The following VPS13D variants were observed in gnomAD, a reference collection of about 807,000 sequenced individuals.
VPS13D encodes vacuolar protein sorting 13 homolog D.
Under a neutral mutation model 461.9 loss-of-function variants are expected in VPS13D, and 187 were observed. That is an observed-to-expected ratio of 0.40 (90% confidence interval 0.36 to 0.46). VPS13D has a LOEUF of 0.46. VPS13D is among the 20% of genes least tolerant of loss of function. VPS13D has a pLI of 0.60. For missense variants in VPS13D, 4,711 were observed against 5,364.9 expected, an observed-to-expected ratio of 0.88 and a Z score of 3.81; for synonymous variants, 1,951 against 1,986.3, an observed-to-expected ratio of 0.98 and a Z score of 0.47.
At position 12,386,238 on chromosome 1, in the gene VPS13D, A is replaced by G. The variant is rs1165081673; in HGVS notation, c.11538A>G (p.Pro3846=). Reference sequence around the variant, plus strand: ...GGTTGTCCTTAATTAATAAAGTCCCAGAAGAACTGGTCTTTGCAAGTCTTA... The same window carrying G: ...GGTTGTCCTTAATTAATAAAGTCCCGGAAGAACTGGTCTTTGCAAGTCTTA... The part of the protein sequence containing the change: ...GIGLSLINKV[P]EELVFASLTG... The change falls in exon 60 of 70, where the codon CCA becomes CCG. Residue 3846 remains proline, a synonymous_variant. Coordinates refer to ENST00000620676, the MANE Select transcript of VPS13D (RefSeq NM_015378.4). 1 of 1,613,830 alleles carries G rather than the reference A, an allele frequency of 6.2e-7. No individual in the cohort carries two copies. Among genetic ancestry groups the G allele is most frequent in the Non-Finnish European group, 8.5e-7 (1 of 1,179,884 alleles).
chr1:12,472,167 TAG>T (rs1346442777), intron 67 of VPS13D, among the ~76,000 whole-genome samples: 3 of 152,202 alleles, frequency 2.0e-5, no homozygotes, highest in Admixed American at 1.3e-4. Context: ...CTTTCATGAA[TAG>T]AGACAGTCCC....
At chr1:12,253,919 T>G (rs578252204) in intron 7 of VPS13D, 93 bp downstream of exon 7, 30 of 931,912 alleles carry the variant, frequency 3.2e-5, no homozygotes, top group Non-Finnish European at 4.6e-5. Context: ...CTTGCCTCTC[T>G]GATTCCAGTT....
chr1:12,291,411 T>G (rs1031115078), intron 23 of VPS13D, among the ~76,000 whole-genome samples: 9 of 152,150 alleles, frequency 5.9e-5, no homozygotes, highest in Admixed American at 2.6e-4. Context: ...GATGGATTGC[T>G]TAAAGCCAGG....
intron 65 of VPS13D, among the ~76,000 whole-genome samples, chr1:12,434,992 G>A (rs921358336): frequency 6.6e-6 from 1 of 152,188 alleles, no homozygotes; most frequent in Non-Finnish European, 1.5e-5. Flanking sequence ...GGCTTGCCAT[G>A]CAGTTTATGA....
At chr1:12,353,773 C>T (rs370064526) in intron 46 of VPS13D, among the ~76,000 whole-genome samples, 4 of 152,156 alleles carry the variant, frequency 2.6e-5, no homozygotes, top group South Asian at 2.1e-4. Context: ...GTATAATTGT[C>T]AGAGCTCATC....
chr1:12,478,779 T>C (rs1645671084), intron 67 of VPS13D: 1 of 455,992 alleles, frequency 2.2e-6, no homozygotes, highest in Non-Finnish European at 4.4e-6. Flanking sequence ...TTCTTCAGAG[T>C]AGCTCTCTGT....
intron 63 of VPS13D, among the ~76,000 whole-genome samples, chr1:12,412,548 G>A (rs1490421248): frequency 1.3e-5 from 2 of 152,112 alleles, no homozygotes; most frequent in Non-Finnish European, 2.9e-5. Flanking sequence ...CTGCGGTAGT[G>A]GAACGGATGA....
intron 65 of VPS13D, among the ~76,000 whole-genome samples, chr1:12,441,074 C>T (rs1177558364): frequency 2.6e-5 from 4 of 151,964 alleles, no homozygotes; most frequent in African/African-American, 4.8e-5. Flanking sequence ...TACAGGTATG[C>T]GCCACCATGC....
chr1:12,364,022 C>G (rs1023224675), intron 52 of VPS13D, among the ~76,000 whole-genome samples: 9 of 143,982 alleles, frequency 6.3e-5, no homozygotes, highest in African/African-American at 2.0e-4. Context: ...TTTCTTCTTG[C>G]TTTCATCAAA....
rs1017678947 is a variant in VPS13D, at chr1:12,509,361, G to A, written c.*337G>A. 1.5e-5 allele frequency: 3 copies of A among 205,990 alleles called. No homozygotes were observed. Among genetic ancestry groups the A allele is most frequent in the Non-Finnish European group, 2.9e-5 (3 of 103,108 alleles). 12.8% of individuals were successfully genotyped at this position (205,990 alleles called of 1,614,324 possible). On this transcript the variant is annotated 3_prime_UTR_variant, in exon 70 of 70. Coordinates refer to ENST00000620676, the MANE Select transcript of VPS13D (RefSeq NM_015378.4). Reference sequence around the variant, plus strand: ...AGTGTGTTTGTAAATATATAGGAACGTTTCTGAACAGGGTCTGTGCTATGT... The same window carrying A: ...AGTGTGTTTGTAAATATATAGGAACATTTCTGAACAGGGTCTGTGCTATGT...
intron 67 of VPS13D, among the ~76,000 whole-genome samples, chr1:12,463,058 A>G (rs1056388292): frequency 6.6e-6 from 1 of 152,120 alleles, no homozygotes; most frequent in Admixed American, 6.5e-5. Context: ...TAGGCTGCAG[A>G]AAAAAAGGAA....
intron 6 of VPS13D, among the ~76,000 whole-genome samples, chr1:12,251,276 C>T (rs1305527818): frequency 6.6e-6 from 1 of 152,262 alleles, no homozygotes; most frequent in African/African-American, 2.4e-5. Flanking sequence ...CTGTGTGCTC[C>T]TCCTTTCACT....
chr1:12,388,886 G>A (rs1055491524), intron 60 of VPS13D, among the ~76,000 whole-genome samples: 9 of 152,170 alleles, frequency 5.9e-5, no homozygotes, highest in Non-Finnish European at 1.2e-4. Context: ...CCTTGTCATA[G>A]GAAATGAGAA....
chr1:12,447,647 T>A (rs1645209919), intron 65 of VPS13D, among the ~76,000 whole-genome samples: 1 of 152,238 alleles, frequency 6.6e-6, no homozygotes, highest in Non-Finnish European at 1.5e-5. Flanking sequence ...ATTTTACTTT[T>A]GCCACAAGAA....
chr1:12,302,769 AGT>A (rs930049201), intron 25 of VPS13D, among the ~76,000 whole-genome samples: 6 of 151,730 alleles, frequency 4.0e-5, no homozygotes, highest in Admixed American at 1.3e-4. Context: ...TTTTTTTTTA[AGT>A]GTTTGAATTA....
chr1:12,485,577 A>C (rs1289033342), intron 67 of VPS13D, among the ~76,000 whole-genome samples: 2 of 152,230 alleles, frequency 1.3e-5, no homozygotes, highest in African/African-American at 4.8e-5. Flanking sequence ...ACAAATTTTC[A>C]GCTTTTTGCA....
At chr1:12,405,439 G>A (rs1175517125) in intron 63 of VPS13D, among the ~76,000 whole-genome samples, 1 of 152,168 alleles carries the variant, frequency 6.6e-6, no homozygotes, top group Non-Finnish European at 1.5e-5. Context: ...CAGTAGTCTG[G>A]TCAACATCAG....
intron 66 of VPS13D, among the ~76,000 whole-genome samples, chr1:12,459,233 A>AT (rs1645370886): frequency 6.6e-6 from 1 of 152,242 alleles, no homozygotes; most frequent in East Asian, 1.9e-4. Flanking sequence ...CAAATACTGT[A>AT]TTGACTCCAC....
At chr1:12,254,426 C>T (rs1640842909) in intron 7 of VPS13D, among the ~76,000 whole-genome samples, 1 of 150,960 alleles carries the variant, frequency 6.6e-6, no homozygotes, top group Admixed American at 6.6e-5. Flanking sequence ...TAAACTTCAC[C>T]TTTGGTGGCA....
Sources: gnomAD v4.1 joint callset for allele counts (sites outside exome capture counted in the v4.1 genomes callset) on GRCh38, gnomAD v4.1.1 for gene constraint, MANE v1.5 for transcripts, NCBI Gene and HGNC (gene_info 2026-07-23, HGNC 2026-07-21) for gene names.